Variants in HSD11B1L observed in about 807,000 individuals in gnomAD.
HSD11B1L encodes the protein hydroxysteroid 11-beta dehydrogenase 1 like.
HSD11B1L carries 22 observed loss-of-function variants against 27.0 expected under a neutral mutation model. The ratio of observed to expected loss-of-function variants is 0.81; its 90% CI spans 0.58 to 1.16. HSD11B1L has a LOEUF of 1.16. HSD11B1L is among the 50% of genes most tolerant of loss of function. The pLI is 0.00. For missense variants in HSD11B1L, 372 were observed against 401.8 expected, an observed-to-expected ratio of 0.93 and a Z score of 0.63; for synonymous variants, 187 against 189.2, an observed-to-expected ratio of 0.99 and a Z score of 0.09.
chr19:5,682,654 G>A (rs1298884387), intron 1 of HSD11B1L, among the ~76,000 whole-genome samples: 2 of 151,912 alleles, frequency 1.3e-5, no homozygotes, highest in African/African-American at 4.8e-5. Flanking sequence ...TAAGGGGCCT[G>A]GAGGTTGTCA....
chr19:5,687,197 G>A lies in HSD11B1L; in HGVS notation c.409-85G>A. The A allele has an allele frequency of 2.8e-6, 4 of 1,451,564 alleles. No homozygotes were observed. The highest frequency in any genetic ancestry group is 3.8e-6 in the Non-Finnish European group (4 of 1,061,252). The allele number at this position is 1,451,564 out of a possible 1,614,324, so 89.9% of individuals were successfully genotyped here. On this transcript the variant is annotated intron_variant, in intron 5 of 7. Transcript: ENST00000339423. This position sits in a 1 kb window ranked among gnomAD's most constrained non-coding sequence, Gnocchi z 6.6. ...GGGTTTCTGGCCCCGTCTCTGACCC[G>A]GCCCTGGCCCCGCCCTCTGGGTTTC...
chr19:5,686,555 T>G, intron 4 of HSD11B1L, 28 bp downstream of exon 4: 1 of 1,525,884 alleles, frequency 6.6e-7, no homozygotes, highest in Non-Finnish European at 8.9e-7. Context: ...AAGCCTGGAG[T>G]CCGGGACCGT....
At position 5,687,512 on chromosome 19, in the gene HSD11B1L, C is replaced by T; in HGVS notation, c.512C>T (p.Pro171Leu). The T allele has an allele frequency of 6.3e-7, 1 of 1,597,904 alleles. No individual in the cohort carries two copies. Among genetic ancestry groups the T allele is most frequent in the Non-Finnish European group, 8.5e-7 (1 of 1,178,484 alleles). The change falls in exon 7 of 8, where the codon CCC becomes CTC. Residue 171 changes from proline (P) to leucine (L), a missense_variant. Pro to Leu is a moderately conservative substitution (Grantham distance 98). Coordinates refer to ENST00000339423, the MANE Select transcript of HSD11B1L (RefSeq NM_198706.3). This position sits in a 1 kb window ranked among gnomAD's most constrained non-coding sequence, Gnocchi z 6.6. ...VVVSSLLGRV[P>L]TSFSTPYSAA... ...CCGTCCGCGCCCCCAGGCCGCGTGC[C>T]CACGTCGTTCTCCACTCCCTACTCG...
At position 5,686,935 on chromosome 19, in the gene HSD11B1L, G is replaced by A; in HGVS notation, c.352G>A (p.Gly118Ser). The A allele has an allele frequency of 6.4e-7, 1 of 1,553,258 alleles. No homozygotes were observed. The highest frequency in any genetic ancestry group is 8.7e-7 in the Non-Finnish European group (1 of 1,149,458). ...LDYLVLNHIG[G>S]APAGTRARSP... is the part of the protein sequence containing the mutation. ...CTACCTCGTGCTGAACCACATCGGC[G>A]GCGCCCCGGCCGGCACGCGAGCCCG... Residue 118 changes from glycine to serine, a missense_variant, in exon 5 of 8, where the codon GGC becomes AGC. By Grantham distance (56) the Gly-to-Ser change is moderately conservative. Transcript: ENST00000339423.
At chr19:5,684,759 A>G (rs1232967348) in intron 1 of HSD11B1L, 60 bp from the exon 2 acceptor site, 6 of 1,608,800 alleles carry the variant, frequency 3.7e-6, no homozygotes, top group Admixed American at 1.7e-5. Flanking sequence ...ACACCCACCA[A>G]ACACGGGTGG....
intron 4 of HSD11B1L, 92 bp downstream of exon 4, chr19:5,686,619 A>C: frequency 3.0e-6 from 3 of 997,168 alleles, no homozygotes; most frequent in Non-Finnish European, 4.4e-6. Flanking sequence ...GGCCACAGTA[A>C]CAGGTGTCTC....
At chr19:5,684,162 C>A (rs1035623559) in intron 1 of HSD11B1L, 6 of 397,876 alleles carry the variant, frequency 1.5e-5, no homozygotes, top group East Asian at 1.1e-4. Flanking sequence ...ATTACAGGCG[C>A]CTGCCACCGC....
In HSD11B1L at chr19:5,688,017, TCA is replaced by T. The variant is rs2054756406; in HGVS notation, c.*75_*76del. The T allele has an allele frequency of 6.4e-7, 1 of 1,551,318 alleles. No individual in the cohort carries two copies. ...CCAACTGTCCCTGGAGCCAGAACAC[TCA>T]CAGAGACACCCCTGAGAGGGTGGCC... On this transcript the variant is annotated 3_prime_UTR_variant, in exon 8 of 8. Transcript: ENST00000339423.
rs569286407 is a variant in HSD11B1L, at chr19:5,688,344, C to A, written c.*399C>A. 130 of 708,992 alleles carry A rather than the reference C, an allele frequency of 1.8e-4. 1 individual carries two copies. The highest frequency in any genetic ancestry group is 1.6e-3 in the Middle Eastern group (4 of 2,554). 43.9% of individuals were successfully genotyped at this position (708,992 alleles called of 1,614,324 possible). A position where few individuals can be genotyped will look rare whatever the true frequency, so the allele number is the denominator to read the frequency against. ...TTCCATTCATTCCATCTGGGAGGAA[C>A]CCCCCCAACTCCTGCCAGCTTCCCC... On this transcript the variant is annotated 3_prime_UTR_variant, in exon 8 of 8. Transcript: ENST00000339423.
At chr19:5,684,312 A>G in intron 1 of HSD11B1L, 2 of 333,982 alleles carry the variant, frequency 6.0e-6, no homozygotes, top group Middle Eastern at 7.1e-4. Context: ...CACCACATCC[A>G]GCTGAAGGAG....
At position 5,687,817 on chromosome 19, in the gene HSD11B1L, G is replaced by A. The variant is rs755686967; in HGVS notation, c.733G>A (p.Ala245Thr). 6.5e-7 allele frequency: 1 copy of A among 1,535,436 alleles called. No individual in the cohort carries two copies. The highest frequency in any genetic ancestry group is 8.7e-7 in the Non-Finnish European group (1 of 1,144,164). The change falls in exon 8 of 8, where the codon GCC becomes ACC. Residue 245 changes from alanine (A) to threonine (T), a missense_variant. By Grantham distance (58) the Ala-to-Thr change is moderately conservative. Transcript: ENST00000339423. This position sits in a 1 kb window ranked among gnomAD's most constrained non-coding sequence, Gnocchi z 6.6. ...KAALAVIRGG[A>T]TRAAGVFYPW... ...AGCCCTGGCCGTGATCCGCGGCGGCGCCACGCGCGCGGCCGGCGTCTTCTA... is the reference window on the plus strand; with the variant it reads ...AGCCCTGGCCGTGATCCGCGGCGGCACCACGCGCGCGGCCGGCGTCTTCTA...
intron 1 of HSD11B1L, 58 bp from the exon 2 acceptor site, chr19:5,684,761 C>T (rs751199503): frequency 4.4e-6 from 7 of 1,608,982 alleles, no homozygotes; most frequent in Non-Finnish European, 5.1e-6. Context: ...ACCCACCAAA[C>T]ACGGGTGGCT....
In HSD11B1L at chr19:5,684,981, A is replaced by T; in HGVS notation, c.74-8A>T. On this transcript the variant is annotated splice_polypyrimidine_tract_variant and splice_region_variant and intron_variant, in intron 2 of 7. Transcript: ENST00000339423. ...TCCGCCCAGAGTGACCACCCCGGCT[A>T]TGGCCAGCCAGCCTCCAGGGAGCGC... is the stretch of plus-strand genomic sequence containing the variant. The T allele has an allele frequency of 6.2e-7, 1 of 1,610,282 alleles. No homozygotes were observed.
chr19:5,684,841 G>A lies in HSD11B1L; in HGVS notation c.9G>A (p.Val3=). ...CAGGCCCACACAGGACCATGAAGGT[G>A]CTTCTCCTCACAGGGCTGGGGGCCC... MK[V]LLLTGLGALF... is the part of the protein sequence containing the mutation. Residue 3 remains valine (V), a synonymous_variant, in exon 2 of 8, where the codon GTG becomes GTA. Coordinates refer to ENST00000339423, the MANE Select transcript of HSD11B1L (RefSeq NM_198706.3). 6.2e-7 allele frequency: 1 copy of A among 1,613,834 alleles called. No individual in the cohort carries two copies. The highest frequency in any genetic ancestry group is 1.1e-5 in the South Asian group (1 of 91,088).
intron 4 of HSD11B1L, 57 bp from the exon 5 acceptor site, chr19:5,686,843 G>A (rs2145557218): frequency 1.4e-6 from 2 of 1,404,254 alleles, no homozygotes; most frequent in Non-Finnish European, 9.7e-7. Flanking sequence ...TCGGGGGCGG[G>A]GTTTGATCGT....
At position 5,687,087 on chromosome 19, in the gene HSD11B1L, G is replaced by A; in HGVS notation, c.408+96G>A. ...CCGGGTTCTGCCTTCTCCAGGGAGG[G>A]CTCTCCACCCGTCCCGCCCCAGCCA... On this transcript the variant is annotated intron_variant, in intron 5 of 7. Transcript: ENST00000339423. This position sits in a 1 kb window ranked among gnomAD's most constrained non-coding sequence, Gnocchi z 6.6. 1 of 1,225,698 alleles carries A rather than the reference G, an allele frequency of 8.2e-7. No homozygotes were observed. Among genetic ancestry groups the A allele is most frequent in the Non-Finnish European group, 1.1e-6 (1 of 875,660 alleles). 75.9% of individuals were successfully genotyped at this position (1,225,698 alleles called of 1,614,324 possible).
intron 1 of HSD11B1L, among the ~76,000 whole-genome samples, chr19:5,682,531 C>T (rs921365168): frequency 7.9e-5 from 12 of 151,998 alleles, no homozygotes; most frequent in African/African-American, 2.9e-4. Flanking sequence ...AGGACAATAC[C>T]TGGGTCTCCC....
rs1479295822 is a variant in HSD11B1L at position 5,687,511 on chromosome 19, C to T, written c.511C>T (p.Pro171Ser). 1.9e-6 allele frequency: 3 copies of T among 1,597,424 alleles called. No individual in the cohort carries two copies. In the African/African-American group the frequency reaches 4.0e-5, roughly 21 times the overall value. Residue 171 changes from proline to serine, a missense_variant, in exon 7 of 8, where the codon CCC becomes TCC. By Grantham distance (74) the Pro-to-Ser change is moderately conservative. Transcript: ENST00000339423. This position sits in a 1 kb window ranked among gnomAD's most constrained non-coding sequence, Gnocchi z 6.6. ...GCCGTCCGCGCCCCCAGGCCGCGTG[C>T]CCACGTCGTTCTCCACTCCCTACTC... ...VVVSSLLGRV[P>S]TSFSTPYSAA...
intron 4 of HSD11B1L, among the ~76,000 whole-genome samples, 167 bp from the exon 5 acceptor site, chr19:5,686,733 G>C (rs2054702703): frequency 6.6e-6 from 1 of 152,250 alleles, no homozygotes; most frequent in South Asian, 2.1e-4. Context: ...ACCAAACCTT[G>C]CTAGATCCAG....
Sources: gnomAD v4.1 joint callset for allele counts (sites outside exome capture counted in the v4.1 genomes callset) on GRCh38, gnomAD v4.1.1 for gene constraint, Gnocchi (gnomAD v3.1) non-coding constraint, MANE v1.5 for transcripts, NCBI Gene and HGNC (gene_info 2026-07-23, HGNC 2026-07-21) for gene names.